The following AREL1 variants were observed in gnomAD, a reference collection of about 807,000 sequenced individuals.
AREL1 encodes the protein apoptosis resistant E3 ubiquitin protein ligase 1.
In AREL1, 62 loss-of-function variants were observed where a neutral mutation model predicts 99.0. The observed-to-expected ratio is 0.63, with a 90% CI of 0.51 to 0.77. AREL1 has a LOEUF of 0.77. Ranked by LOEUF, AREL1 falls within the 30% of genes least tolerant of loss-of-function variation. The pLI is 0.00. For synonymous variants in AREL1, 380 were observed against 376.5 expected (o/e 1.01, Z -0.11); for missense variants, 879 against 1,027.6 (o/e 0.86, Z 1.98).
intron 5 of AREL1, among the ~76,000 whole-genome samples, chr14:74,682,550 T>C (rs1487336348): frequency 2.6e-5 from 4 of 151,998 alleles, no homozygotes; most frequent in Non-Finnish European, 5.9e-5. Flanking sequence ...TAAAAAGAAA[T>C]GAAGTACAGA....
rs2089074021 is a variant in AREL1 at position 74,661,422 on chromosome 14, T to C, written c.*2298A>G. On this transcript the variant is annotated 3_prime_UTR_variant, in exon 20 of 20. Coordinates refer to ENST00000356357, the MANE Select transcript of AREL1 (RefSeq NM_001039479.2). ...GGTATTCACTCATGTCTGGTCTCCT[T>C]CAAAGACGCTAAAAGGCCAGAAGGG... The C allele has an allele frequency of 2.4e-6, 1 of 420,732 alleles. No individual in the cohort carries two copies. Among genetic ancestry groups the C allele is most frequent in the Non-Finnish European group, 4.8e-6 (1 of 209,842 alleles). 26.1% of individuals were successfully genotyped at this position (420,732 alleles called of 1,614,324 possible). A position where few individuals can be genotyped will look rare whatever the true frequency, so the allele number is the denominator to read the frequency against.
chr14:74,695,182 C>T (rs1475853064), intron 1 of AREL1, among the ~76,000 whole-genome samples: 7 of 150,714 alleles, frequency 4.6e-5, no homozygotes, highest in African/African-American at 7.3e-5. Flanking sequence ...TGGGTTCAAG[C>T]GATTCTCTTG....
intron 5 of AREL1, among the ~76,000 whole-genome samples, 193 bp from the exon 6 acceptor site, chr14:74,676,945 C>T (rs1377205811): frequency 1.1e-4 from 16 of 152,022 alleles, no homozygotes; most frequent in Middle Eastern, 3.4e-3. Context: ...TATAGGTGCC[C>T]GCCACCATGC....
intron 1 of AREL1, among the ~76,000 whole-genome samples, chr14:74,695,072 CTTT>C (rs1248011436): frequency 4.8e-5 from 6 of 126,068 alleles, no homozygotes; most frequent in East Asian, 4.9e-4. Context: ...TTCTTTCCTT[CTTT>C]TTTTTTTTTT....
At position 74,692,257 on chromosome 14, in the gene AREL1, C is replaced by T. The variant is rs1351295874; in HGVS notation, c.-262G>A. ...GAACTCCAGGGTAGAGAAATACAGCCCAAGAATATATCATTCCTGGACTTC... is the reference window on the plus strand; with the variant it reads ...GAACTCCAGGGTAGAGAAATACAGCTCAAGAATATATCATTCCTGGACTTC... On this transcript the variant is annotated 5_prime_UTR_variant, in exon 2 of 20. The change creates a premature stop within an existing upstream ORF in the 5' untranslated region. Transcript: ENST00000356357. The T allele has an allele frequency of 4.4e-6, 2 of 456,290 alleles. No individual in the cohort carries two copies. Among genetic ancestry groups the T allele is most frequent in the South Asian group, 1.5e-5 (1 of 64,530 alleles). 28.3% of individuals were successfully genotyped at this position (456,290 alleles called of 1,614,324 possible). A position where few individuals can be genotyped will look rare whatever the true frequency, so the allele number is the denominator to read the frequency against.
chr14:74,671,321 CTTTTTTTTT>C (rs34340758), intron 12 of AREL1, 78 bp downstream of exon 12: 1 of 123,262 alleles, frequency 8.1e-6, no homozygotes, highest in African/African-American at 6.2e-5. Context: ...GTAAGAGTTG[CTTTTTTTTT>C]TTTTTTTTTT....
At chr14:74,671,959 T>G in intron 11 of AREL1, 2 of 452,894 alleles carry the variant, frequency 4.4e-6, no homozygotes, top group Non-Finnish European at 8.9e-6. Flanking sequence ...GGGTTTCCAG[T>G]CACACCTACC....
At chr14:74,698,077 A>G (rs930633108) in intron 1 of AREL1, among the ~76,000 whole-genome samples, 6 of 152,210 alleles carry the variant, frequency 3.9e-5, no homozygotes, top group Non-Finnish European at 7.3e-5. Flanking sequence ...TAAAACATGG[A>G]TATGTTGAAT....
intron 1 of AREL1, chr14:74,712,068 G>GAAAAAAAAAAAAAA (rs1365570759): frequency 1.6e-5 from 1 of 61,730 alleles, no homozygotes; most frequent in African/African-American, 5.7e-5. Flanking sequence ...AAAAAAAAAA[G>GAAAAAAAAAAAAAA]AAAAAAAAAG....
intron 7 of AREL1, 51 bp downstream of exon 7, chr14:74,676,090 C>A: frequency 6.3e-7 from 1 of 1,583,384 alleles, no homozygotes; most frequent in South Asian, 1.1e-5. Flanking sequence ...TGCAAACAGG[C>A]AAAGAAACGG....
chr14:74,704,883 C>T (rs1319988732), intron 1 of AREL1, among the ~76,000 whole-genome samples: 1 of 152,078 alleles, frequency 6.6e-6, no homozygotes, highest in African/African-American at 2.4e-5. Context: ...GTTATCTAAA[C>T]GTTTCACAAG....
At chr14:74,694,991 A>G (rs1193483326) in intron 1 of AREL1, among the ~76,000 whole-genome samples, 20 of 72,618 alleles carry the variant, frequency 2.8e-4, no homozygotes, top group African/African-American at 7.6e-4. Flanking sequence ...TCTGTCTCGG[A>G]AAAAAAAAAA....
intron 1 of AREL1, among the ~76,000 whole-genome samples, chr14:74,703,822 C>T (rs796454085): frequency 5.6e-4 from 86 of 152,282 alleles, no homozygotes; most frequent in African/African-American, 2.0e-3. Flanking sequence ...TCTGTGTAGG[C>T]ACATGATTTC....
At chr14:74,672,535 G>T (rs1202786940) in intron 11 of AREL1, among the ~76,000 whole-genome samples, 1 of 152,040 alleles carries the variant, frequency 6.6e-6, no homozygotes, top group Non-Finnish European at 1.5e-5. Flanking sequence ...CCAGGAGTTC[G>T]AGACCAGCCG....
intron 1 of AREL1, among the ~76,000 whole-genome samples, chr14:74,695,282 G>A (rs368172762): frequency 3.3e-4 from 50 of 151,936 alleles, no homozygotes; most frequent in African/African-American, 1.1e-3. Context: ...GTTTCACCAC[G>A]TTGGCCAGGC....
Position 74,685,675 on chromosome 14 carries a change from C to T in AREL1, c.-45-15G>A, listed in dbSNP as rs1429392361. ...CACAGCTGCAGCTGTTAAAAGAAAA[C>T]TTGTTTAGTTTTTGTCTCCAACTCT... On this transcript the variant is annotated splice_polypyrimidine_tract_variant and intron_variant, in intron 2 of 19. Transcript: ENST00000356357. The T allele has an allele frequency of 2.5e-6, 4 of 1,611,732 alleles. No homozygotes were observed. The highest frequency in any genetic ancestry group is 1.7e-5 in the Admixed American group (1 of 59,752).
rs1297811465 is a variant in AREL1, at chr14:74,663,319, G to C, written c.*401C>G. The C allele has an allele frequency of 1.2e-5, 3 of 259,994 alleles. No homozygotes were observed. Among genetic ancestry groups the C allele is most frequent in the Admixed American group, 4.5e-5 (1 of 22,408 alleles). 16.1% of individuals were successfully genotyped at this position (259,994 alleles called of 1,614,324 possible). The stretch of plus-strand genomic sequence containing the variant: ...CTGGTCAAGTAGTGAGGGCCAAAGA[G>C]GGTGTCTCCAAGGAGTATCAGCAGA... On this transcript the variant is annotated 3_prime_UTR_variant, in exon 20 of 20. Transcript: ENST00000356357.
At chr14:74,696,484 C>T (rs559870394) in intron 1 of AREL1, among the ~76,000 whole-genome samples, 1 of 152,022 alleles carries the variant, frequency 6.6e-6, no homozygotes, top group Admixed American at 6.6e-5. Flanking sequence ...AATACTGTAT[C>T]CGGGTTGCTA....
chr14:74,705,043 GTT>G (rs58161849), intron 1 of AREL1, among the ~76,000 whole-genome samples: 1 of 143,938 alleles, frequency 6.9e-6, no homozygotes. Flanking sequence ...GTCTTCTGTT[GTT>G]TTTTTTTTTT....
Sources: allele counts gnomAD v4.1 joint callset (sites outside exome capture counted in the v4.1 genomes callset), GRCh38; gene constraint gnomAD v4.1.1; transcripts MANE v1.5; gene names NCBI Gene and HGNC (gene_info 2026-07-23, HGNC 2026-07-21).